PRKCE: variants seen among roughly 807,000 people sequenced by gnomAD.
The protein encoded by PRKCE is protein kinase C epsilon type.
Under a neutral mutation model 85.4 loss-of-function variants are expected in PRKCE, and 16 were observed. That is an observed-to-expected ratio of 0.19 (90% CI 0.13 to 0.28). The LOEUF is 0.28. PRKCE is among the 10% of genes least tolerant of loss of function. PRKCE has a pLI of 1.00. For missense variants in PRKCE, 573 were observed against 975.2 expected (o/e 0.59, Z 5.49); for synonymous variants, 388 against 371.5 (o/e 1.04, Z -0.51).
intron 1 of PRKCE, among the ~76,000 whole-genome samples, chr2:45,693,679 C>T (rs1398626807): frequency 6.6e-6 from 1 of 152,156 alleles, no homozygotes; most frequent in Non-Finnish European, 1.5e-5. Context: ...CACAAAGTGA[C>T]TGGGGCAGAA....
In PRKCE at chr2:45,657,381, C is replaced by T. The variant is rs77533860; in HGVS notation, c.348+4933C>T. Among the ~76,000 whole-genome samples, 360 of 152,264 alleles carry T rather than the reference C, an allele frequency of 2.4e-3. 2 individuals carry two copies. The highest frequency in any genetic ancestry group is 8.4e-3 in the African/African-American group (349 of 41,538). On this transcript the variant is annotated intron_variant, in intron 1 of 14. Coordinates refer to ENST00000306156, the MANE Select transcript of PRKCE (RefSeq NM_005400.3). ...CCGTATTTCCATTCCTTCCCCTGTA[C>T]AAAGTGGGTGATAATAAATATACCT... is the stretch of plus-strand genomic sequence containing the variant.
intron 8 of PRKCE, among the ~76,000 whole-genome samples, chr2:46,005,821 A>T (rs1317602922): frequency 1.3e-5 from 2 of 152,186 alleles, no homozygotes; most frequent in Non-Finnish European, 2.9e-5. Context: ...ATGAGATTTG[A>T]AGCATTCATA....
rs559127684 is a variant in PRKCE, at chr2:45,832,642, G to C, written c.349-10358G>C. On this transcript the variant is annotated intron_variant, in intron 1 of 14. Coordinates refer to ENST00000306156, the MANE Select transcript of PRKCE (RefSeq NM_005400.3). ...CAACTTTTTATCATTCATGCAGTAT[G>C]GGCTCCATGACAGCTCACAACGTGT... is the stretch of plus-strand genomic sequence containing the variant. Among the ~76,000 whole-genome samples the C allele has an allele frequency of 2.0e-5, 3 of 152,164 alleles. No individual in the cohort carries two copies. In the South Asian group the frequency reaches 6.2e-4, roughly 32 times the overall value.
intron 10 of PRKCE, among the ~76,000 whole-genome samples, chr2:46,077,167 G>GCACA (rs68042105): frequency 0.077 from 11,600 of 150,146 alleles, 586 homozygotes; most frequent in Middle Eastern, 0.15. Context: ...TCTTTCTCGT[G>GCACA]CACACACACA....
chr2:45,839,443 T>A (rs562815133), intron 1 of PRKCE, among the ~76,000 whole-genome samples: 88 of 152,110 alleles, frequency 5.8e-4, no homozygotes, highest in Non-Finnish European at 1.0e-3. Context: ...ATGTGTTAAG[T>A]TGGGATATGA....
At chr2:45,747,047 G>C (rs1683195278) in intron 1 of PRKCE, among the ~76,000 whole-genome samples, 1 of 152,126 alleles carries the variant, frequency 6.6e-6, no homozygotes, top group Admixed American at 6.5e-5. Context: ...AGACACACTG[G>C]ATTTTACCCT....
At chr2:46,034,037 C>T (rs1384498543) in intron 10 of PRKCE, among the ~76,000 whole-genome samples, 1 of 152,194 alleles carries the variant, frequency 6.6e-6, no homozygotes, top group Non-Finnish European at 1.5e-5. Context: ...CAGATGGCCC[C>T]AGCCCACTGA....
At chr2:45,913,963 G>A (rs1028903464) in intron 2 of PRKCE, among the ~76,000 whole-genome samples, 2 of 152,090 alleles carry the variant, frequency 1.3e-5, no homozygotes, top group African/African-American at 2.4e-5. Context: ...TTTTATCCTC[G>A]ATGCAGAATT....
intron 14 of PRKCE, among the ~76,000 whole-genome samples, chr2:46,162,834 C>T (rs141240912): frequency 0.01 from 1,544 of 152,294 alleles, 13 homozygotes; most frequent in Non-Finnish European, 0.016. Context: ...CGAGAGTGGT[C>T]CACATCTAGT....
intron 11 of PRKCE, among the ~76,000 whole-genome samples, chr2:46,090,749 A>G (rs964161916): frequency 5.3e-5 from 8 of 151,612 alleles, no homozygotes; most frequent in Admixed American, 4.6e-4. Flanking sequence ...TCAAGCTGCA[A>G]AAGGCTCTGT....
intron 2 of PRKCE, among the ~76,000 whole-genome samples, chr2:45,956,643 C>G (rs2104382483): frequency 6.6e-6 from 1 of 152,224 alleles, no homozygotes; most frequent in Middle Eastern, 3.4e-3. Context: ...CAAGGTCGCA[C>G]CACTACACTC....
chr2:46,010,763 A>G, intron 10 of PRKCE: 1 of 1,597,732 alleles, frequency 6.3e-7, no homozygotes, highest in Non-Finnish European at 8.5e-7. Flanking sequence ...GAGTTGGACA[A>G]AGCCAAATGG....
chr2:45,784,920 C>G (rs1022636285), intron 1 of PRKCE, among the ~76,000 whole-genome samples: 1 of 152,168 alleles, frequency 6.6e-6, no homozygotes, highest in African/African-American at 2.4e-5. Context: ...AAACTGTACA[C>G]TTAAGATCTG....
At chr2:45,900,406 T>C (rs532490967) in intron 2 of PRKCE, among the ~76,000 whole-genome samples, 1 of 152,348 alleles carries the variant, frequency 6.6e-6, no homozygotes, top group South Asian at 2.1e-4. Flanking sequence ...AAATGTGGTC[T>C]ATACATGCAG....
intron 3 of PRKCE, 24 bp downstream of exon 3, chr2:45,976,612 CTAAT>C: frequency 1.3e-6 from 2 of 1,595,744 alleles, no homozygotes; most frequent in Non-Finnish European, 8.5e-7. Context: ...TTGGGAACCT[CTAAT>C]TACAACATCT....
At chr2:45,962,474 C>T (rs553226137) in intron 2 of PRKCE, among the ~76,000 whole-genome samples, 21 of 152,338 alleles carry the variant, frequency 1.4e-4, no homozygotes, top group African/African-American at 3.8e-4. Flanking sequence ...AAACTGAAAA[C>T]GCCCACCACC....
At chr2:46,084,890 T>C (rs1207320422) in intron 10 of PRKCE, among the ~76,000 whole-genome samples, 2 of 152,254 alleles carry the variant, frequency 1.3e-5, no homozygotes, top group Non-Finnish European at 2.9e-5. Context: ...CGACCTTCTT[T>C]TTCTCTCCAG....
intron 10 of PRKCE, among the ~76,000 whole-genome samples, chr2:46,062,037 C>T (rs1667191028): frequency 6.6e-6 from 1 of 151,686 alleles, no homozygotes; most frequent in Non-Finnish European, 1.5e-5. Flanking sequence ...TAATTTTGTA[C>T]TTTTAGTAGA....
intron 10 of PRKCE, among the ~76,000 whole-genome samples, chr2:46,027,929 G>A (rs867343175): frequency 2.0e-5 from 3 of 152,086 alleles, no homozygotes; most frequent in Middle Eastern, 3.4e-3. Flanking sequence ...CCTCTTGAAG[G>A]TTGGGATTCT....
Sources: gnomAD v4.1 joint callset for allele counts (sites outside exome capture counted in the v4.1 genomes callset) on GRCh38, gnomAD v4.1.1 for gene constraint, MANE v1.5 for transcripts, NCBI Gene and HGNC (gene_info 2026-07-23, HGNC 2026-07-21) for gene names.